GRIA1: variants seen among roughly 807,000 people sequenced by gnomAD.
GRIA1 encodes the protein glutamate ionotropic receptor AMPA type subunit 1, also known as glutamate receptor 1.
A neutral mutation model predicts 99.2 loss-of-function variants in GRIA1; 31 were observed. The observed-to-expected ratio is 0.31, with a 90% confidence interval of 0.23 to 0.42. GRIA1 has a LOEUF of 0.42. Among genes scored for constraint, GRIA1 ranks in the 10% least tolerant of loss-of-function variants. GRIA1 has a pLI of 1.00. For missense variants in GRIA1, 782 were observed against 1,157.5 expected (o/e 0.68, Z 4.71); for synonymous variants, 438 against 432.4 (o/e 1.01, Z -0.16).
At chr5:153,687,001 G>A (rs767024227) in intron 8 of GRIA1, among the ~76,000 whole-genome samples, 6 of 151,842 alleles carry the variant, frequency 4.0e-5, no homozygotes, top group Non-Finnish European at 8.8e-5. Context: ...TCATCATTGA[G>A]CCTTCATACA....
chr5:153,770,114 A>C, intron 12 of GRIA1, 54 bp from the exon 13 acceptor site: 1 of 1,588,976 alleles, frequency 6.3e-7, no homozygotes, highest in Non-Finnish European at 8.6e-7. Flanking sequence ...TAATGTGTGC[A>C]CCGACCCCAA....
intron 2 of GRIA1, among the ~76,000 whole-genome samples, chr5:153,630,996 G>T (rs1345846777): frequency 6.6e-6 from 1 of 152,204 alleles, no homozygotes. Flanking sequence ...GTCCATGTCT[G>T]TTCTCTTACA....
chr5:153,610,589 T>C (rs1765892762), intron 2 of GRIA1, among the ~76,000 whole-genome samples: 1 of 152,208 alleles, frequency 6.6e-6, no homozygotes, highest in South Asian at 2.1e-4. Flanking sequence ...CTTCCCCTAA[T>C]TGTGGTCGAG....
intron 2 of GRIA1, among the ~76,000 whole-genome samples, chr5:153,613,980 C>T (rs75733279): frequency 2.6e-5 from 4 of 152,324 alleles, no homozygotes; most frequent in East Asian, 1.9e-4. Context: ...TCAATCTTCA[C>T]GCTGTAGCCA....
intron 7 of GRIA1, among the ~76,000 whole-genome samples, chr5:153,682,769 C>G (rs1757071099): frequency 6.6e-6 from 1 of 152,150 alleles, no homozygotes; most frequent in Admixed American, 6.5e-5. Flanking sequence ...TTGCAGGGGT[C>G]TCTATACCTA....
chr5:153,700,797 A>G (rs1758461045), intron 10 of GRIA1, among the ~76,000 whole-genome samples: 2 of 152,222 alleles, frequency 1.3e-5, no homozygotes, highest in Admixed American at 1.3e-4. Context: ...GGGCAAGAGG[A>G]GCCATGATGG....
At chr5:153,689,441 T>C (rs1757579901) in intron 8 of GRIA1, among the ~76,000 whole-genome samples, 1 of 152,262 alleles carries the variant, frequency 6.6e-6, no homozygotes, top group East Asian at 1.9e-4. Context: ...AGTAGTTATG[T>C]GTTTGCCATT....
chr5:153,516,384 G>A (rs1756630953), intron 2 of GRIA1, among the ~76,000 whole-genome samples: 1 of 151,640 alleles, frequency 6.6e-6, no homozygotes, highest in Non-Finnish European at 1.5e-5. Flanking sequence ...TTTGCTCTAT[G>A]TGCTAGTCAC....
chr5:153,779,007 C>T (rs1032353000), intron 13 of GRIA1, among the ~76,000 whole-genome samples: 1 of 152,096 alleles, frequency 6.6e-6, no homozygotes, highest in African/African-American at 2.4e-5. Context: ...TTTTTATGCT[C>T]CTGAAAATTC....
intron 11 of GRIA1, among the ~76,000 whole-genome samples, chr5:153,758,033 A>G (rs1762940598): frequency 1.3e-5 from 2 of 152,120 alleles, no homozygotes; most frequent in South Asian, 2.1e-4. Flanking sequence ...TGTTTATTGT[A>G]AGCCTCATGG....
intron 2 of GRIA1, among the ~76,000 whole-genome samples, chr5:153,634,849 G>A (rs1753235690): frequency 1.3e-5 from 2 of 152,186 alleles, no homozygotes; most frequent in Admixed American, 1.3e-4. Context: ...TGAGGGCAGG[G>A]GTCAGGAGTG....
At chr5:153,698,388 G>A (rs1758272577) in intron 9 of GRIA1, among the ~76,000 whole-genome samples, 1 of 152,106 alleles carries the variant, frequency 6.6e-6, no homozygotes, top group Non-Finnish European at 1.5e-5. Context: ...ACTTTCTCTT[G>A]AGCCAGCTTT....
intron 11 of GRIA1, among the ~76,000 whole-genome samples, chr5:153,722,396 C>A (rs910588725): frequency 6.6e-6 from 1 of 152,224 alleles, no homozygotes; most frequent in South Asian, 2.1e-4. Context: ...CTTTACCTAC[C>A]TCAAAGTCAT....
chr5:153,607,133 T>C (rs1474521987), intron 2 of GRIA1, among the ~76,000 whole-genome samples: 1 of 150,638 alleles, frequency 6.6e-6, no homozygotes, highest in Non-Finnish European at 1.5e-5. Context: ...ATTTTTGCAA[T>C]TGTAAATTGT....
In GRIA1 at chr5:153,547,941, G is replaced by A. The variant is rs369270851; in HGVS notation, c.220+53876G>A. Among the ~76,000 whole-genome samples the A allele has an allele frequency of 5.3e-5, 8 of 152,250 alleles. No homozygotes were observed. The South Asian group carries it at 8.3e-4, about 16-fold the overall frequency. On this transcript the variant is annotated intron_variant, in intron 2 of 15. Coordinates refer to ENST00000285900, the MANE Select transcript of GRIA1 (RefSeq NM_000827.4). ...TAGGTCAGATATAATTATCACTAAA[G>A]CCCCTTTAAAATATAAACGTCCTAG... is the stretch of plus-strand genomic sequence containing the variant.
chr5:153,599,826 T>C (rs987833455), intron 2 of GRIA1, among the ~76,000 whole-genome samples: 2 of 151,952 alleles, frequency 1.3e-5, no homozygotes, highest in Non-Finnish European at 2.9e-5. Context: ...AGATCATAGA[T>C]AGTTAAAGAT....
rs145656507 is a variant in GRIA1, at chr5:153,700,788, G to A, written c.1452+1715G>A. ...GATGATAAATCTTGTTTCATATCAG[G>A]GCAAGAGGAGCCATGATGGCCCTGA... On this transcript the variant is annotated intron_variant, in intron 10 of 15. Coordinates refer to ENST00000285900, the MANE Select transcript of GRIA1 (RefSeq NM_000827.4). Among the ~76,000 whole-genome samples, 851 of 152,222 alleles carry A rather than the reference G, an allele frequency of 5.6e-3. 13 individuals are homozygous for A. Among genetic ancestry groups the A allele is most frequent in the African/African-American group, 0.02 (824 of 41,542 alleles).
intron 2 of GRIA1, among the ~76,000 whole-genome samples, chr5:153,585,475 A>G (rs1763401334): frequency 1.3e-5 from 2 of 151,602 alleles, no homozygotes; most frequent in African/African-American, 4.8e-5. Flanking sequence ...TGCCCAGCTA[A>G]TTTTTGTGTT....
At chr5:153,541,928 C>CAAAAAAAA (rs57442019) in intron 2 of GRIA1, among the ~76,000 whole-genome samples, 4 of 97,434 alleles carry the variant, frequency 4.1e-5, no homozygotes, top group Non-Finnish European at 8.1e-5. Context: ...GATCCTGTTT[C>CAAAAAAAA]AAAAAAAAAA....
Sources: gnomAD v4.1 joint callset for allele counts (sites outside exome capture counted in the v4.1 genomes callset) on GRCh38, gnomAD v4.1.1 for gene constraint, MANE v1.5 for transcripts, NCBI Gene and HGNC (gene_info 2026-07-23, HGNC 2026-07-21) for gene names.